Variants in SLC10A7 observed in about 807,000 individuals in gnomAD.
SLC10A7 encodes the protein solute carrier family 10 member 7.
Under a neutral mutation model 43.2 loss-of-function variants are expected in SLC10A7, and 29 were observed. The observed-to-expected ratio is 0.67, with a 90% CI of 0.50 to 0.92. The LOEUF (loss-of-function observed/expected upper bound fraction) is 0.92. SLC10A7 is among the 40% of genes least tolerant of loss of function. SLC10A7 has a pLI of 0.00. For synonymous variants in SLC10A7, 152 were observed against 144.8 expected (o/e 1.05, Z -0.35); for missense variants, 295 against 403.2 (o/e 0.73, Z 2.30).
chr4:146,473,775 T>C lies in SLC10A7; in HGVS notation c.396+30074A>G, dbSNP rs182471400. 4.1e-3 allele frequency among the ~76,000 whole-genome samples: 622 copies of C among 152,252 alleles called. 1 individual carries two copies. Among genetic ancestry groups the C allele is most frequent in the Middle Eastern group, 0.014 (4 of 294 alleles). ...TTTTACTGGTATTTTAATAAAAAAATGGATCCTGCAGTCAAACAAAAGTAC... is the reference window on the plus strand; with the variant it reads ...TTTTACTGGTATTTTAATAAAAAAACGGATCCTGCAGTCAAACAAAAGTAC... On this transcript the variant is annotated intron_variant, in intron 4 of 11. Transcript: ENST00000335472.
intron 5 of SLC10A7, among the ~76,000 whole-genome samples, chr4:146,389,124 G>A (rs961919979): frequency 4.6e-5 from 7 of 152,064 alleles, no homozygotes; most frequent in African/African-American, 1.7e-4. Context: ...GCTAAACAAT[G>A]GACACAGAGT....
Position 146,429,420 on chromosome 4 carries a change from T to A in SLC10A7, c.435+13363A>T, listed in dbSNP as rs541932805. Among the ~76,000 whole-genome samples, 418 of 152,300 alleles carry A rather than the reference T, an allele frequency of 2.7e-3. 1 individual carries two copies. Among genetic ancestry groups the A allele is most frequent in the African/African-American group, 9.4e-3 (389 of 41,586 alleles). On this transcript the variant is annotated intron_variant, in intron 5 of 11. Transcript: ENST00000335472. ...CATCTAATATTTTTTGAAAGCTTAC[T>A]TTGTGCCAAGTACTATAAATATTGA...
intron 7 of SLC10A7, among the ~76,000 whole-genome samples, chr4:146,299,461 G>A (rs1731009972): frequency 6.6e-6 from 1 of 152,176 alleles, no homozygotes; most frequent in African/African-American, 2.4e-5. Context: ...TAAACTAAAT[G>A]ATATGATAGT....
intron 4 of SLC10A7, among the ~76,000 whole-genome samples, chr4:146,497,916 A>C (rs1736038498): frequency 6.6e-6 from 1 of 151,836 alleles, no homozygotes; most frequent in African/African-American, 2.4e-5. Flanking sequence ...AGGCTTTTGG[A>C]GGGAAAAAAA....
intron 5 of SLC10A7, among the ~76,000 whole-genome samples, chr4:146,399,016 A>G (rs1380399842): frequency 6.6e-6 from 1 of 152,212 alleles, no homozygotes; most frequent in Non-Finnish European, 1.5e-5. Flanking sequence ...AATAGTGGTA[A>G]CCTAGCTGAT....
At chr4:146,279,679 T>C (rs1239990349) in intron 10 of SLC10A7, among the ~76,000 whole-genome samples, 1 of 152,130 alleles carries the variant, frequency 6.6e-6, no homozygotes, top group East Asian at 1.9e-4. Context: ...TGAAGCACAG[T>C]GATAGCTCTG....
At chr4:146,372,066 C>G (rs950606770) in intron 5 of SLC10A7, among the ~76,000 whole-genome samples, 2 of 152,130 alleles carry the variant, frequency 1.3e-5, no homozygotes, top group Non-Finnish European at 2.9e-5. Flanking sequence ...ATCAGAATCC[C>G]TTAGGGAATC....
chr4:146,430,287 C>T (rs1729682082), intron 5 of SLC10A7, among the ~76,000 whole-genome samples: 1 of 151,884 alleles, frequency 6.6e-6, no homozygotes, highest in African/African-American at 2.4e-5. Flanking sequence ...TAATTAAGAG[C>T]CACTATAGAC....
At position 146,417,192 on chromosome 4, in the gene SLC10A7, C is replaced by T. The variant is rs1312581228; in HGVS notation, c.435+25591G>A. Reference sequence around the variant, plus strand: ...TCAGCAAAGTTATTTGTTGAATAAACGAACTGGAGAGACTATAAGCATGCC... The same window carrying T: ...TCAGCAAAGTTATTTGTTGAATAAATGAACTGGAGAGACTATAAGCATGCC... On this transcript the variant is annotated intron_variant, in intron 5 of 11. Transcript: ENST00000335472. 5.3e-5 allele frequency among the ~76,000 whole-genome samples: 8 copies of T among 152,120 alleles called. No homozygotes were observed. In the South Asian group the frequency reaches 6.2e-4, roughly 12 times the overall value.
chr4:146,495,766 AACACACACACACACACACACAC>A (rs57202992), intron 4 of SLC10A7, among the ~76,000 whole-genome samples: 1 of 139,538 alleles, frequency 7.2e-6, no homozygotes, highest in Non-Finnish European at 1.5e-5. Flanking sequence ...GATGAAAGTA[AACACACACACACACACACACAC>A]ACACACACAC....
chr4:146,410,333 T>A (rs995880141), intron 5 of SLC10A7, among the ~76,000 whole-genome samples: 1 of 152,130 alleles, frequency 6.6e-6, no homozygotes, highest in Non-Finnish European at 1.5e-5. Context: ...CAACTAAAAC[T>A]GACAAAAAGT....
At chr4:146,328,719 T>G (rs1733329700) in intron 5 of SLC10A7, among the ~76,000 whole-genome samples, 1 of 152,136 alleles carries the variant, frequency 6.6e-6, no homozygotes, top group South Asian at 2.1e-4. Flanking sequence ...ACTGAGCTGA[T>G]TACAGCTGAA....
At chr4:146,274,346 G>A (rs2111069647) in intron 10 of SLC10A7, among the ~76,000 whole-genome samples, 1 of 151,996 alleles carries the variant, frequency 6.6e-6, no homozygotes, top group African/African-American at 2.4e-5. Flanking sequence ...TGGGATTACA[G>A]GTGCCTGCCA....
At chr4:146,287,667 C>T (rs1382731299) in intron 9 of SLC10A7, among the ~76,000 whole-genome samples, 2 of 152,152 alleles carry the variant, frequency 1.3e-5, no homozygotes, top group African/African-American at 4.8e-5. Context: ...TGAGTGCCCT[C>T]CAGTGATTGT....
At chr4:146,503,494 T>G (rs1159461174) in intron 4 of SLC10A7, among the ~76,000 whole-genome samples, 1 of 152,228 alleles carries the variant, frequency 6.6e-6, no homozygotes, top group Non-Finnish European at 1.5e-5. Flanking sequence ...GTTAACAAAT[T>G]TTTTGGAGAT....
intron 4 of SLC10A7, among the ~76,000 whole-genome samples, chr4:146,493,800 C>A (rs899594282): frequency 1.3e-5 from 2 of 152,116 alleles, no homozygotes; most frequent in African/African-American, 4.8e-5. Flanking sequence ...ACCTATAATG[C>A]AAACTAATAA....
chr4:146,326,410 C>A (rs929761409), intron 5 of SLC10A7, among the ~76,000 whole-genome samples: 1 of 152,184 alleles, frequency 6.6e-6, no homozygotes, highest in Non-Finnish European at 1.5e-5. Context: ...TGAGCAAAGA[C>A]CACGTCAGTT....
At chr4:146,433,686 C>A (rs1029738526) in intron 5 of SLC10A7, among the ~76,000 whole-genome samples, 15 of 151,694 alleles carry the variant, frequency 9.9e-5, no homozygotes, top group African/African-American at 3.6e-4. Flanking sequence ...GGCAACATAG[C>A]GAGATCCCAT....
intron 5 of SLC10A7, among the ~76,000 whole-genome samples, chr4:146,340,194 C>T (rs1302138714): frequency 6.6e-6 from 1 of 151,724 alleles, no homozygotes; most frequent in Non-Finnish European, 1.5e-5. Flanking sequence ...GCATCCTAGA[C>T]TCTGAATCTC....
Sources: allele counts gnomAD v4.1 joint callset (sites outside exome capture counted in the v4.1 genomes callset), GRCh38; gene constraint gnomAD v4.1.1; transcripts MANE v1.5; gene names NCBI Gene and HGNC (gene_info 2026-07-23, HGNC 2026-07-21).